Variants in NOMO3 observed in about 807,000 individuals in gnomAD.
The protein encoded by NOMO3 is NODAL modulator 3.
In NOMO3, 15 loss-of-function variants were observed where a neutral mutation model predicts 69.9. That is an observed-to-expected ratio of 0.21 (90% CI 0.14 to 0.33). The LOEUF is 0.33. Among genes scored for constraint, NOMO3 ranks in the 10% least tolerant of loss-of-function variants. The probability of loss-of-function intolerance (pLI) is 1.00; values close to 1 mark genes in which losing one functional copy is unlikely to be tolerated. For missense variants in NOMO3, 218 were observed against 761.0 expected (o/e 0.29, Z 8.39); for synonymous variants, 89 against 301.9 (o/e 0.29, Z 7.31).
At position 16,256,284 on chromosome 16, in the gene NOMO3, T is replaced by C. The variant is rs2049511641; in HGVS notation, c.1220+126T>C. 22 of 1,428,388 alleles carry C rather than the reference T, an allele frequency of 1.5e-5. 1 individual carries two copies. In the South Asian group the frequency reaches 2.5e-4, roughly 17 times the overall value. 88.5% of individuals were successfully genotyped at this position (1,428,388 alleles called of 1,614,324 possible). A position where few individuals can be genotyped will look rare whatever the true frequency, so the allele number is the denominator to read the frequency against. Reference sequence around the variant, plus strand: ...CTTAAGAAAGATTAGTACTTTTTTTTTTTTTTTGAGAGACAGAGTCTTGCC... The same window carrying C: ...CTTAAGAAAGATTAGTACTTTTTTTCTTTTTTTGAGAGACAGAGTCTTGCC... On this transcript the variant is annotated intron_variant, in intron 11 of 30. Coordinates refer to ENST00000399336, the MANE Select transcript of NOMO3 (RefSeq NM_001004067.4).
At chr16:16,238,946 T>C (rs2049352614) in intron 2 of NOMO3, among the ~76,000 whole-genome samples, 1 of 135,534 alleles carries the variant, frequency 7.4e-6, no homozygotes, top group African/African-American at 3.2e-5. Flanking sequence ...GGGTGTCACG[T>C]GGATGCCTGT....
chr16:16,252,930 T>C (rs1239904160), intron 9 of NOMO3, among the ~76,000 whole-genome samples: 4 of 135,368 alleles, frequency 3.0e-5, no homozygotes, highest in African/African-American at 6.6e-5. Flanking sequence ...GCCTCCAGGG[T>C]TCAAGTGATC....
chr16:16,269,184 G>T (rs1429429924), intron 16 of NOMO3, among the ~76,000 whole-genome samples: 3 of 143,040 alleles, frequency 2.1e-5, no homozygotes, highest in Non-Finnish European at 4.4e-5. Context: ...GGCCACTTAG[G>T]CCTGCCTCCT....
In NOMO3 at chr16:16,245,000, C is replaced by T; in HGVS notation, c.403-68C>T. The T allele has an allele frequency of 4.1e-6, 2 of 482,406 alleles. 1 individual carries two copies. The highest frequency in any genetic ancestry group is 4.5e-5 in the South Asian group (2 of 44,356). The allele number at this position is 482,406 out of a possible 1,614,324, so 29.9% of individuals were successfully genotyped here. On this transcript the variant is annotated intron_variant, in intron 4 of 30. Coordinates refer to ENST00000399336, the MANE Select transcript of NOMO3 (RefSeq NM_001004067.4). Reference sequence around the variant, plus strand: ...CTGGGCTCCACCTGGGAGTTGTAAGCAGGACTGCCAGTGCTTTGAGAGGAG... The same window carrying T: ...CTGGGCTCCACCTGGGAGTTGTAAGTAGGACTGCCAGTGCTTTGAGAGGAG...
At chr16:16,245,491 C>G (rs2049409481) in intron 5 of NOMO3, among the ~76,000 whole-genome samples, 2 of 143,500 alleles carry the variant, frequency 1.4e-5, no homozygotes, top group Admixed American at 1.4e-4. Flanking sequence ...GAGTTCGAGA[C>G]CAGCCTGGAC....
At position 16,240,494 on chromosome 16, in the gene NOMO3, G is replaced by A. The variant is rs1343262266; in HGVS notation, c.301+598G>A. On this transcript the variant is annotated intron_variant, in intron 3 of 30. Coordinates refer to ENST00000399336, the MANE Select transcript of NOMO3 (RefSeq NM_001004067.4). ...CAATACTGAGTGTTCAGAGGGGCTG[G>A]CACGTAATTAGCAAGTACTCAGTAT... 1.4e-5 allele frequency among the ~76,000 whole-genome samples: 2 copies of A among 145,506 alleles called. 1 individual carries two copies. The highest frequency in any genetic ancestry group is 5.4e-5 in the African/African-American group (2 of 36,978).
At chr16:16,240,740 C>T (rs1245663506) in intron 3 of NOMO3, among the ~76,000 whole-genome samples, 23 of 143,374 alleles carry the variant, frequency 1.6e-4, no homozygotes, top group South Asian at 2.2e-4. Context: ...TAGGGATCAC[C>T]GTTGTTGATA....
chr16:16,288,184 G>GAAACA lies in NOMO3; in HGVS notation c.3444+354_3444+358dup, dbSNP rs745319461. On this transcript the variant is annotated intron_variant, in intron 29 of 30. Coordinates refer to ENST00000399336, the MANE Select transcript of NOMO3 (RefSeq NM_001004067.4). Reference sequence around the variant, plus strand: ...ACAGAGTGAGACCCTTTCTCCAGAAGAAACAAAACAAAACAAAACAAAACA... The same window carrying GAAACA: ...ACAGAGTGAGACCCTTTCTCCAGAAGAAACAAAACAAAACAAAACAAAACAAAACA... 3.9e-3 allele frequency among the ~76,000 whole-genome samples: 369 copies of GAAACA among 93,928 alleles called. 67 individuals carry two copies. The highest frequency in any genetic ancestry group is 0.03 in the South Asian group (78 of 2,620). 61.6% of individuals were successfully genotyped at this position (93,928 alleles called of 152,430 possible). A position where few individuals can be genotyped will look rare whatever the true frequency, so the allele number is the denominator to read the frequency against.
Position 16,243,646 on chromosome 16 carries a change from T to A in NOMO3, c.402+385T>A, listed in dbSNP as rs1017252676. ...GCCTCACCCTCCCGCTCCTTCACCC[T>A]CCCGAGTAGCTAGGATTACAAGTGT... On this transcript the variant is annotated intron_variant, in intron 4 of 30. Transcript: ENST00000399336. Among the ~76,000 whole-genome samples, 54 of 140,242 alleles carry A rather than the reference T, an allele frequency of 3.9e-4. 4 individuals carry two copies. The highest frequency in any genetic ancestry group is 2.3e-3 in the South Asian group (10 of 4,338). The allele number at this position is 140,242 out of a possible 152,430, so 92.0% of individuals were successfully genotyped here. A position where few individuals can be genotyped will look rare whatever the true frequency, so the allele number is the denominator to read the frequency against.
At chr16:16,258,332 G>A (rs1340507976) in intron 11 of NOMO3, among the ~76,000 whole-genome samples, 1 of 132,962 alleles carries the variant, frequency 7.5e-6, no homozygotes, top group African/African-American at 3.3e-5. Flanking sequence ...CTAATTTAGA[G>A]TGGGAGCTCT....
chr16:16,262,536 G>A (rs2049573265), intron 12 of NOMO3, among the ~76,000 whole-genome samples: 1 of 133,894 alleles, frequency 7.5e-6, no homozygotes, highest in Non-Finnish European at 1.5e-5. Context: ...GTCTTTGGAA[G>A]CCCTTTCGGA....
At chr16:16,237,483 C>T (rs1456883272) in intron 2 of NOMO3, among the ~76,000 whole-genome samples, 1 of 144,310 alleles carries the variant, frequency 6.9e-6, no homozygotes, top group Non-Finnish European at 1.5e-5. Context: ...GTACCCTTTT[C>T]GCTCCAATTT....
intron 20 of NOMO3, 70 bp downstream of exon 20, chr16:16,274,145 T>G: frequency 2.1e-6 from 2 of 942,086 alleles, no homozygotes. Flanking sequence ...CATTTACAAG[T>G]AGATTTGTGA....
chr16:16,246,501 A>G (rs563378355), intron 5 of NOMO3, among the ~76,000 whole-genome samples: 1 of 132,036 alleles, frequency 7.6e-6, no homozygotes, highest in Admixed American at 7.3e-5. Flanking sequence ...AACTGAAACA[A>G]TGAAACATGT....
chr16:16,265,335 A>G, intron 15 of NOMO3, 156 bp downstream of exon 15: 1 of 1,414,208 alleles, frequency 7.1e-7, no homozygotes. Flanking sequence ...ATAATCAGGA[A>G]GCATTTATAC....
At chr16:16,236,634 G>A (rs2049329119) in intron 1 of NOMO3, among the ~76,000 whole-genome samples, 1 of 144,668 alleles carries the variant, frequency 6.9e-6, no homozygotes, top group Non-Finnish European at 1.5e-5. Context: ...GCAACCTAGA[G>A]GCAGCCACTA....
At chr16:16,241,024 T>C (rs1268211601) in intron 3 of NOMO3, among the ~76,000 whole-genome samples, 2 of 141,954 alleles carry the variant, frequency 1.4e-5, no homozygotes, top group African/African-American at 5.8e-5. Context: ...ACTGGTGCTG[T>C]TGATAAGCTT....
chr16:16,233,588 C>G (rs1228234666), intron 1 of NOMO3, among the ~76,000 whole-genome samples: 3 of 94,202 alleles, frequency 3.2e-5, no homozygotes, highest in Non-Finnish European at 4.3e-5. Flanking sequence ...GAAAGGTTCC[C>G]GTAAAGAGGA....
intron 3 of NOMO3, among the ~76,000 whole-genome samples, chr16:16,241,208 C>A (rs972707324): frequency 2.1e-5 from 3 of 144,632 alleles, no homozygotes; most frequent in African/African-American, 8.2e-5. Context: ...ACCACCCTGA[C>A]CTTCTACAAA....
Sources: allele counts gnomAD v4.1 joint callset (sites outside exome capture counted in the v4.1 genomes callset), GRCh38; gene constraint gnomAD v4.1.1; transcripts MANE v1.5; gene names NCBI Gene and HGNC (gene_info 2026-07-23, HGNC 2026-07-21).